IPO11: variants seen among roughly 807,000 people sequenced by gnomAD.
IPO11 encodes importin-11.
Under a neutral mutation model 143.2 loss-of-function variants are expected in IPO11, and 66 were observed. The ratio of observed to expected loss-of-function variants is 0.46; its 90% CI spans 0.38 to 0.57. IPO11 has a LOEUF of 0.57. Ranked by LOEUF, IPO11 falls within the 20% of genes least tolerant of loss-of-function variation. The pLI is 0.00. For synonymous variants in IPO11, 385 were observed against 377.8 expected (o/e 1.02, Z -0.22); for missense variants, 1,026 against 1,141.0 (o/e 0.90, Z 1.45).
intron 19 of IPO11, among the ~76,000 whole-genome samples, chr5:62,514,579 G>GGAAAGGAGAGGGAGACCA (rs1741930319): frequency 1.4e-5 from 2 of 146,890 alleles, no homozygotes; most frequent in Admixed American, 1.3e-4. Flanking sequence ...GAGGGAGACC[G>GGAAAGGAGAGGGAGACCA]TGGAAAGGAG....
intron 28 of IPO11, 77 bp downstream of exon 28, chr5:62,591,749 C>G: frequency 1.1e-6 from 1 of 904,872 alleles, no homozygotes; most frequent in East Asian, 2.7e-5. Context: ...TTTTCACCAT[C>G]ACTCTATAAG....
intron 16 of IPO11, among the ~76,000 whole-genome samples, chr5:62,504,080 T>G (rs1170108684): frequency 2.0e-5 from 3 of 152,208 alleles, no homozygotes; most frequent in Admixed American, 1.3e-4. Flanking sequence ...TGTTGTAATA[T>G]GATTTGCCCA....
Position 62,480,191 on chromosome 5 carries a change from T to C in IPO11, c.829-2910T>C, listed in dbSNP as rs138795728. Among the ~76,000 whole-genome samples the C allele has an allele frequency of 2.4e-3, 367 of 152,352 alleles. 1 individual carries two copies. Among genetic ancestry groups the C allele is most frequent in the African/African-American group, 8.2e-3 (342 of 41,578 alleles). ...AGTTTTCCCAGCACCATTTATTCAA[T>C]AGGAATCCTTTCGCCATTTCTTGTT... On this transcript the variant is annotated intron_variant, in intron 9 of 29. Coordinates refer to ENST00000325324, the MANE Select transcript of IPO11 (RefSeq NM_016338.5).
chr5:62,589,165 T>G, intron 27 of IPO11, among the ~76,000 whole-genome samples: 1 of 152,140 alleles, frequency 6.6e-6, no homozygotes, highest in Non-Finnish European at 1.5e-5. Flanking sequence ...CTGTTCAGCC[T>G]CTACTGGTCC....
At chr5:62,572,553 A>G (rs779672189) in intron 27 of IPO11, among the ~76,000 whole-genome samples, 21 of 43,380 alleles carry the variant, frequency 4.8e-4, no homozygotes, top group Non-Finnish European at 7.6e-4. Flanking sequence ...TTGTTTATTT[A>G]TTTATTTATT....
At chr5:62,544,718 A>G (rs1743093630) in intron 24 of IPO11, among the ~76,000 whole-genome samples, 3 of 152,198 alleles carry the variant, frequency 2.0e-5, no homozygotes, top group African/African-American at 7.2e-5. Context: ...TCTCAGCCCA[A>G]AATCTCCTTA....
chr5:62,523,525 T>C (rs1742268820), intron 20 of IPO11, among the ~76,000 whole-genome samples: 1 of 117,682 alleles, frequency 8.5e-6, no homozygotes, highest in Admixed American at 8.8e-5. Flanking sequence ...TAGGAGACTG[T>C]TAATCAGAAA....
Position 62,536,682 on chromosome 5 carries a change from G to GACA in IPO11, c.2090-19_2090-17dup, listed in dbSNP as rs1168874122. ...AGTGAATTAATTTGGTTTTTTGTTTGACATTTATTGTTTTGGCAGAACTAA... is the reference window on the plus strand; with the variant it reads ...AGTGAATTAATTTGGTTTTTTGTTTGACAACATTTATTGTTTTGGCAGAACTAA... On this transcript the variant is annotated intron_variant, in intron 22 of 29. Coordinates refer to ENST00000325324, the MANE Select transcript of IPO11 (RefSeq NM_016338.5). The GACA allele has an allele frequency of 6.4e-7, 1 of 1,570,654 alleles. No individual in the cohort carries two copies. The highest frequency in any genetic ancestry group is 2.1e-5 in the Admixed American group (1 of 48,640).
chr5:62,484,182 T>C lies in IPO11; in HGVS notation c.1174+20T>C. On this transcript the variant is annotated intron_variant, in intron 11 of 29. Transcript: ENST00000325324. ...GCTTTAGTAAGAATTAATTTTTTAG[T>C]GTTAGAATGACTTTTCTCCCCTTTC... is the stretch of plus-strand genomic sequence containing the variant. The C allele has an allele frequency of 6.4e-7, 1 of 1,571,736 alleles. No individual in the cohort carries two copies. The highest frequency in any genetic ancestry group is 8.6e-7 in the Non-Finnish European group (1 of 1,165,000).
At chr5:62,564,291 C>G in intron 27 of IPO11, among the ~76,000 whole-genome samples, 1 of 152,124 alleles carries the variant, frequency 6.6e-6, no homozygotes, top group Non-Finnish European at 1.5e-5. Context: ...TGCTGATATT[C>G]AAGTCAGCAG....
At chr5:62,457,433 A>G (rs548579959) in intron 5 of IPO11, among the ~76,000 whole-genome samples, 4 of 152,260 alleles carry the variant, frequency 2.6e-5, no homozygotes, top group African/African-American at 9.6e-5. Flanking sequence ...GTAGTGATAT[A>G]TGATTGTACT....
rs1742224075 is a variant in IPO11 at position 62,522,248 on chromosome 5, G to A, written c.1897-3894G>A. Among the ~76,000 whole-genome samples the A allele has an allele frequency of 2.0e-5, 3 of 151,258 alleles. No homozygotes were observed. In the South Asian group the frequency reaches 6.3e-4, roughly 32 times the overall value. On this transcript the variant is annotated intron_variant, in intron 20 of 29. Transcript: ENST00000325324. ...CACTAAAAAGCTGAGTGGAGGGATT[G>A]TGTGTGTGGTGTGGTGGGGAGGCTT...
At chr5:62,427,960 A>G (rs961770641) in intron 1 of IPO11, among the ~76,000 whole-genome samples, 1 of 152,236 alleles carries the variant, frequency 6.6e-6, no homozygotes, top group Non-Finnish European at 1.5e-5. Context: ...GATATGCTAA[A>G]CAACCTGTAA....
At chr5:62,589,037 C>A (rs538275449) in intron 27 of IPO11, among the ~76,000 whole-genome samples, 2 of 152,262 alleles carry the variant, frequency 1.3e-5, no homozygotes, top group East Asian at 3.9e-4. Flanking sequence ...CATCTGTGTC[C>A]TGCTGCCTCA....
intron 7 of IPO11, among the ~76,000 whole-genome samples, chr5:62,472,670 G>A (rs1335469041): frequency 6.6e-6 from 1 of 151,872 alleles, no homozygotes; most frequent in Admixed American, 6.6e-5. Flanking sequence ...TGGGGTTACA[G>A]GTGCCTGCCA....
chr5:62,443,694 A>G (rs1226748997), intron 3 of IPO11, among the ~76,000 whole-genome samples: 1 of 151,980 alleles, frequency 6.6e-6, no homozygotes, highest in East Asian at 1.9e-4. Context: ...CTAGGTGTTA[A>G]TTTCTGAGTC....
At chr5:62,593,931 G>A (rs961775607) in intron 28 of IPO11, among the ~76,000 whole-genome samples, 8 of 152,112 alleles carry the variant, frequency 5.3e-5, no homozygotes, top group Non-Finnish European at 1.2e-4. Context: ...AGACTATAAG[G>A]CATAAATAAA....
chr5:62,595,242 T>G (rs1012652769), intron 28 of IPO11, among the ~76,000 whole-genome samples: 1 of 152,166 alleles, frequency 6.6e-6, no homozygotes, highest in Non-Finnish European at 1.5e-5. Context: ...GGAAAACCAT[T>G]TAGGTAGCTG....
intron 9 of IPO11, among the ~76,000 whole-genome samples, chr5:62,478,378 G>C (rs1015775335): frequency 5.9e-5 from 9 of 152,114 alleles, no homozygotes; most frequent in African/African-American, 1.9e-4. Context: ...TGTTGCCCAG[G>C]CTGGTCTCGA....
Sources: allele counts gnomAD v4.1 joint callset (sites outside exome capture counted in the v4.1 genomes callset), GRCh38; gene constraint gnomAD v4.1.1; transcripts MANE v1.5; gene names NCBI Gene and HGNC (gene_info 2026-07-23, HGNC 2026-07-21).